Variants in PNPLA7 observed in about 807,000 individuals in gnomAD.
PNPLA7 encodes the protein patatin like domain 7, lysophospholipase.
A neutral mutation model predicts 161.7 loss-of-function variants in PNPLA7; 153 were observed. The observed-to-expected ratio is 0.95, with a 90% CI of 0.83 to 1.08. PNPLA7 has a LOEUF of 1.08. Among genes scored for constraint, PNPLA7 ranks in the 50% least tolerant of loss-of-function variants. The pLI is 0.00. For synonymous variants in PNPLA7, 809 were observed against 782.1 expected (o/e 1.03, Z -0.57); for missense variants, 1,739 against 1,856.6 (o/e 0.94, Z 1.16).
chr9:137,503,817 TGAAGGAAGA>T (rs1564324647), intron 14 of PNPLA7, among the ~76,000 whole-genome samples: 67 of 1,816 alleles, frequency 0.037, 6 homozygotes, highest in Admixed American at 0.064. Context: ...AGGAAGAAGA[TGAAGGAAGA>T]AGAAAGAAGC....
At chr9:137,508,665 G>C (rs1834045388) in intron 12 of PNPLA7, 1 of 151,888 alleles carries the variant, frequency 6.6e-6, no homozygotes, top group Non-Finnish European at 1.5e-5. Context: ...TCATATGAAA[G>C]GTAAAACGTT....
chr9:137,482,928 A>T (rs994427237), intron 21 of PNPLA7, among the ~76,000 whole-genome samples: 1 of 152,194 alleles, frequency 6.6e-6, no homozygotes, highest in Admixed American at 6.5e-5. Flanking sequence ...GCTGGAGTGC[A>T]GTGGCACCAT....
intron 25 of PNPLA7, among the ~76,000 whole-genome samples, chr9:137,470,601 AAAG>A (rs1255742458): frequency 1.1e-4 from 17 of 152,220 alleles, no homozygotes; most frequent in Non-Finnish European, 1.9e-4. Context: ...GAGAATAGGA[AAAG>A]AAGATGAACT....
chr9:137,544,484 C>G (rs994419559), intron 4 of PNPLA7, among the ~76,000 whole-genome samples: 2 of 152,208 alleles, frequency 1.3e-5, no homozygotes, highest in African/African-American at 2.4e-5. Flanking sequence ...CCAGACCACC[C>G]TACGCCCTGT....
intron 14 of PNPLA7, among the ~76,000 whole-genome samples, chr9:137,502,013 G>C (rs569795192): frequency 2.0e-5 from 3 of 152,260 alleles, no homozygotes; most frequent in Admixed American, 6.5e-5. Flanking sequence ...ACGTAAAAGA[G>C]AGAGGATGTC....
In PNPLA7 at chr9:137,506,066, T is replaced by G; in HGVS notation, c.1243A>C (p.Thr415Pro). 6.2e-7 allele frequency: 1 copy of G among 1,612,386 alleles called. No individual in the cohort carries two copies. The highest frequency in any genetic ancestry group is 8.5e-7 in the Non-Finnish European group (1 of 1,179,510). ...TCACATGCCATCCCCAGATCAGAAG[T>G]GGCACTGCCTGGGCCCCCTACACAC... ...SAPQGGPGSA[T>P]SDLGMACDRA... Residue 415 changes from threonine (T) to proline (P), a missense_variant, in exon 13 of 35, where the codon ACT (threonine) becomes CCT (proline). Thr to Pro is a conservative substitution (Grantham distance 38). Transcript: ENST00000406427.
intron 8 of PNPLA7, among the ~76,000 whole-genome samples, chr9:137,529,183 G>T (rs984346989): frequency 5.9e-5 from 9 of 151,958 alleles, no homozygotes; most frequent in Admixed American, 5.2e-4. Context: ...TTTTTGTAGA[G>T]ATGGGGTTGC....
rs539963525 is a variant in PNPLA7, at chr9:137,538,275, C to T, written c.747+2367G>A. 1.7e-4 allele frequency among the ~76,000 whole-genome samples: 26 copies of T among 152,266 alleles called. No individual in the cohort carries two copies. The South Asian group carries it at 4.1e-3, about 24-fold the overall frequency. The stretch of plus-strand genomic sequence containing the variant: ...GTGAAGATACACAAGTCCCAGGGAG[C>T]ACAACGAGATGCCGAGGTCCCACCC... On this transcript the variant is annotated intron_variant, in intron 8 of 34. Coordinates refer to ENST00000406427, the MANE Select transcript of PNPLA7 (RefSeq NM_001098537.3).
intron 8 of PNPLA7, among the ~76,000 whole-genome samples, chr9:137,533,698 A>C (rs1432909407): frequency 6.8e-6 from 1 of 147,312 alleles, no homozygotes; most frequent in African/African-American, 2.5e-5. Flanking sequence ...TCCAGATGGG[A>C]GCACTCCCAG....
intron 8 of PNPLA7, among the ~76,000 whole-genome samples, chr9:137,534,401 C>G (rs1588698802): frequency 1.3e-5 from 2 of 149,946 alleles, no homozygotes; most frequent in East Asian, 4.0e-4. Flanking sequence ...TCCTCCCCAA[C>G]AGTGTCCACT....
rs1395396901 is a variant in PNPLA7 at position 137,484,693 on chromosome 9, C to T, written c.2241G>A (p.Leu747=). Reference sequence around the variant, plus strand: ...TGGACAGGTTGACAGCCGGGTTCCCCAAGTCCCACTTGCTGCCCTCCGTGG... The same window carrying T: ...TGGACAGGTTGACAGCCGGGTTCCCTAAGTCCCACTTGCTGCCCTCCGTGG... The part of the protein sequence containing the change: ...GLPTEGSKWD[L]GNPAVNLSTV... Residue 747 remains leucine, a synonymous_variant, in exon 21 of 35, where the codon TTG becomes TTA. Coordinates refer to ENST00000406427, the MANE Select transcript of PNPLA7 (RefSeq NM_001098537.3). The T allele has an allele frequency of 1.2e-6, 2 of 1,612,124 alleles. No homozygotes were observed. The highest frequency in any genetic ancestry group is 2.2e-5 in the East Asian group (1 of 44,810).
At chr9:137,510,029 A>C (rs1264646760) in intron 12 of PNPLA7, among the ~76,000 whole-genome samples, 1 of 152,188 alleles carries the variant, frequency 6.6e-6, no homozygotes, top group East Asian at 1.9e-4. Flanking sequence ...CCAGAAGACA[A>C]GAGTGCGAGC....
chr9:137,474,147 G>T (rs951427999), intron 25 of PNPLA7, among the ~76,000 whole-genome samples: 3 of 152,202 alleles, frequency 2.0e-5, no homozygotes, highest in African/African-American at 7.2e-5. Context: ...GCTGAGGTAG[G>T]AGAATCACTT....
chr9:137,461,554 T>C lies in PNPLA7; in HGVS notation c.3823A>G (p.Lys1275Glu). ...CACTCACCATCCACCATGGCGGGCT[T>C]GGCGGGCTCAATGCGAGACACAATT... ...AEIVSRIEPA[K>E]PAMVDDESDY... The change falls in exon 33 of 35, where the codon AAG (lysine) becomes GAG (glutamate). Residue 1275 changes from lysine (K) to glutamate (E), a missense_variant. Coordinates refer to ENST00000406427, the MANE Select transcript of PNPLA7 (RefSeq NM_001098537.3). The C allele has an allele frequency of 6.2e-7, 1 of 1,612,524 alleles. No individual in the cohort carries two copies. Among genetic ancestry groups the C allele is most frequent in the Non-Finnish European group, 8.5e-7 (1 of 1,179,510 alleles).
chr9:137,537,711 C>T lies in PNPLA7; in HGVS notation c.747+2931G>A, dbSNP rs973767001. Among the ~76,000 whole-genome samples the T allele has an allele frequency of 3.9e-5, 6 of 152,140 alleles. No individual in the cohort carries two copies. Among genetic ancestry groups the T allele is most frequent in the African/African-American group, 7.2e-5 (3 of 41,396 alleles). On this transcript the variant is annotated intron_variant, in intron 8 of 34. Coordinates refer to ENST00000406427, the MANE Select transcript of PNPLA7 (RefSeq NM_001098537.3). The surrounding 1 kb of genome is among the most constrained non-coding windows in gnomAD (Gnocchi z 4.5). ...TGACACCAACGCGGATGAGACGGATCGCAGCAGCTGAGAGGAACCCGGCCC... is the reference window on the plus strand; with the variant it reads ...TGACACCAACGCGGATGAGACGGATTGCAGCAGCTGAGAGGAACCCGGCCC...
intron 26 of PNPLA7, among the ~76,000 whole-genome samples, chr9:137,465,089 T>C (rs774176942): frequency 2.0e-5 from 3 of 152,038 alleles, no homozygotes; most frequent in Non-Finnish European, 2.9e-5. Flanking sequence ...TTCCCTGCCA[T>C]AGTGAGCCAG....
At chr9:137,517,646 A>C (rs1229318974) in intron 11 of PNPLA7, among the ~76,000 whole-genome samples, 3 of 32,908 alleles carry the variant, frequency 9.1e-5, no homozygotes, top group Non-Finnish European at 5.8e-5. Flanking sequence ...TCCATCCCAC[A>C]CTCACTCACT....
chr9:137,530,235 G>T (rs1835519531), intron 8 of PNPLA7, among the ~76,000 whole-genome samples: 2 of 152,232 alleles, frequency 1.3e-5, no homozygotes, highest in Non-Finnish European at 2.9e-5. Flanking sequence ...AAAGTGTTGG[G>T]ATTACAGGCG....
chr9:137,498,963 G>A (rs973405129), intron 16 of PNPLA7, among the ~76,000 whole-genome samples: 1 of 152,176 alleles, frequency 6.6e-6, no homozygotes, highest in East Asian at 1.9e-4. Flanking sequence ...GCTTTGCACA[G>A]GAGGTGGGGG....
Sources: allele counts gnomAD v4.1 joint callset (sites outside exome capture counted in the v4.1 genomes callset), GRCh38; gene constraint gnomAD v4.1.1; non-coding constraint Gnocchi (gnomAD v3.1); transcripts MANE v1.5; gene names NCBI Gene and HGNC (gene_info 2026-07-23, HGNC 2026-07-21).